PLCB1: variants seen among roughly 807,000 people sequenced by gnomAD.
PLCB1 encodes the protein phospholipase C beta 1.
A neutral mutation model predicts 161.8 loss-of-function variants in PLCB1; 46 were observed. The ratio of observed to expected loss-of-function variants is 0.28; its 90% CI spans 0.22 to 0.36. PLCB1 has a LOEUF of 0.36. PLCB1 is among the 10% of genes least tolerant of loss of function. PLCB1 has a pLI of 1.00. For missense variants in PLCB1, 1,016 were observed against 1,472.5 expected, an observed-to-expected ratio of 0.69 and a Z score of 5.07; for synonymous variants, 517 against 503.7, an observed-to-expected ratio of 1.03 and a Z score of -0.35.
intron 1 of PLCB1, among the ~76,000 whole-genome samples, chr20:8,137,779 C>T (rs59885915): frequency 0.055 from 8,437 of 152,180 alleles, 791 homozygotes; most frequent in African/African-American, 0.19. Flanking sequence ...TAAGGGTAAC[C>T]CTTATCTTGA....
chr20:8,410,315 G>A (rs576578054), intron 3 of PLCB1, among the ~76,000 whole-genome samples: 1 of 152,272 alleles, frequency 6.6e-6, no homozygotes, highest in Admixed American at 6.5e-5. Flanking sequence ...GTCCTAGAGT[G>A]TGCTTATATT....
chr20:8,486,774 C>T (rs962005808), intron 3 of PLCB1, among the ~76,000 whole-genome samples: 9 of 152,114 alleles, frequency 5.9e-5, no homozygotes, highest in African/African-American at 2.2e-4. Flanking sequence ...GGATTACAGG[C>T]GTGAGCCACC....
At chr20:8,150,433 A>G (rs1313716677) in intron 2 of PLCB1, 62 bp downstream of exon 2, 3 of 714,246 alleles carry the variant, frequency 4.2e-6, no homozygotes, top group African/African-American at 3.6e-5. Flanking sequence ...AAAAGTATTT[A>G]TGTATCTTAT....
intron 3 of PLCB1, among the ~76,000 whole-genome samples, chr20:8,493,342 A>T (rs540599197): frequency 5.9e-5 from 9 of 152,348 alleles, no homozygotes; most frequent in African/African-American, 2.2e-4. Flanking sequence ...GTTTAGAGCA[A>T]AAGCAAATCT....
chr20:8,347,763 T>C (rs1398378264), intron 2 of PLCB1, among the ~76,000 whole-genome samples: 2 of 152,020 alleles, frequency 1.3e-5, no homozygotes, highest in African/African-American at 4.8e-5. Context: ...AAATGAAACA[T>C]AAAGATGATG....
intron 3 of PLCB1, among the ~76,000 whole-genome samples, chr20:8,533,514 C>G (rs1284335518): frequency 3.3e-5 from 5 of 152,260 alleles, no homozygotes; most frequent in Non-Finnish European, 7.4e-5. Flanking sequence ...TCCACATCCT[C>G]TCCAGCACCT....
At chr20:8,412,476 G>A (rs1250250984) in intron 3 of PLCB1, among the ~76,000 whole-genome samples, 1 of 152,198 alleles carries the variant, frequency 6.6e-6, no homozygotes, top group Non-Finnish European at 1.5e-5. Context: ...TTCAATAGCA[G>A]GTTCACATTC....
At chr20:8,444,588 G>A (rs1432352805) in intron 3 of PLCB1, among the ~76,000 whole-genome samples, 10 of 152,126 alleles carry the variant, frequency 6.6e-5, no homozygotes, top group Non-Finnish European at 1.2e-4. Flanking sequence ...TGGGTCAAAT[G>A]GTATTTCTAG....
At chr20:8,582,242 G>A (rs184764983) in intron 3 of PLCB1, among the ~76,000 whole-genome samples, 1 of 152,312 alleles carries the variant, frequency 6.6e-6, no homozygotes, top group East Asian at 1.9e-4. Context: ...CAGGTGCTGT[G>A]AGTGTTGGCA....
chr20:8,477,444 AAAT>A (rs1015097846), intron 3 of PLCB1, among the ~76,000 whole-genome samples: 2 of 152,206 alleles, frequency 1.3e-5, no homozygotes, highest in African/African-American at 4.8e-5. Flanking sequence ...AAATAGTATA[AAAT>A]AATAAGGAGA....
At chr20:8,329,347 T>C (rs879107044) in intron 2 of PLCB1, among the ~76,000 whole-genome samples, 1 of 148,282 alleles carries the variant, frequency 6.7e-6, no homozygotes, top group African/African-American at 2.5e-5. Context: ...TGAGATGGAG[T>C]CTTGCTGTGT....
intron 31 of PLCB1, among the ~76,000 whole-genome samples, chr20:8,799,487 T>C (rs1034939613): frequency 6.6e-6 from 1 of 152,230 alleles, no homozygotes; most frequent in African/African-American, 2.4e-5. Flanking sequence ...TAATACTCAT[T>C]AGATTTTTTT....
At chr20:8,791,784 C>G (rs550469670) in intron 31 of PLCB1, among the ~76,000 whole-genome samples, 28 of 152,120 alleles carry the variant, frequency 1.8e-4, no homozygotes, top group Non-Finnish European at 3.2e-4. Context: ...CTTGTTACTG[C>G]TCTAGGTCAT....
At chr20:8,669,066 G>A (rs1989884768) in intron 9 of PLCB1, among the ~76,000 whole-genome samples, 1 of 152,158 alleles carries the variant, frequency 6.6e-6, no homozygotes, top group South Asian at 2.1e-4. Context: ...TTGCTCTCAA[G>A]GAGCCTATAA....
intron 3 of PLCB1, among the ~76,000 whole-genome samples, chr20:8,515,644 G>T (rs753412458): frequency 6.6e-6 from 1 of 152,098 alleles, no homozygotes; most frequent in Non-Finnish European, 1.5e-5. Context: ...ATAATTTATT[G>T]TCTGGTTGTG....
chr20:8,801,627 T>C (rs1312352552), intron 31 of PLCB1, among the ~76,000 whole-genome samples: 1 of 152,192 alleles, frequency 6.6e-6, no homozygotes, highest in Non-Finnish European at 1.5e-5. Context: ...CTTTGTATGT[T>C]AAAAAATAGT....
chr20:8,265,611 T>C (rs1981916772), intron 2 of PLCB1, among the ~76,000 whole-genome samples: 1 of 152,222 alleles, frequency 6.6e-6, no homozygotes, highest in Non-Finnish European at 1.5e-5. Flanking sequence ...TAATGTGTTC[T>C]TGTCCTTTAA....
chr20:8,708,524 C>G (rs1270166046), intron 11 of PLCB1, 146 bp from the exon 12 acceptor site: 12 of 591,832 alleles, frequency 2.0e-5, no homozygotes, highest in Non-Finnish European at 3.6e-5. Context: ...GTCCAGCAGC[C>G]CTCAAAATCC....
chr20:8,506,488 G>T (rs1260420878), intron 3 of PLCB1, among the ~76,000 whole-genome samples: 2 of 152,070 alleles, frequency 1.3e-5, no homozygotes, highest in Non-Finnish European at 2.9e-5. Flanking sequence ...CATAGATATT[G>T]AACTTGAAAA....
Sources: allele counts gnomAD v4.1 joint callset (sites outside exome capture counted in the v4.1 genomes callset), GRCh38; gene constraint gnomAD v4.1.1; transcripts MANE v1.5; gene names NCBI Gene and HGNC (gene_info 2026-07-23, HGNC 2026-07-21).